Variants in MDGA2 observed in about 807,000 individuals in gnomAD.
MDGA2 encodes the protein MAM domain-containing glycosylphosphatidylinositol anchor protein 2.
MDGA2 carries 40 observed loss-of-function variants against 117.8 expected under a neutral mutation model. The ratio of observed to expected loss-of-function variants is 0.34; its 90% confidence interval spans 0.26 to 0.44. The LOEUF (loss-of-function observed/expected upper bound fraction) is 0.44, where lower values mean the gene tolerates loss of function less well. Among genes scored for constraint, MDGA2 ranks in the 20% least tolerant of loss-of-function variants. MDGA2 has a pLI of 1.00. For missense variants in MDGA2, 1,123 were observed against 1,250.6 expected (o/e 0.90, Z 1.54); for synonymous variants, 452 against 439.0 (o/e 1.03, Z -0.37).
intron 2 of MDGA2, among the ~76,000 whole-genome samples, chr14:47,235,831 C>A (rs1417778553): frequency 1.3e-5 from 2 of 152,070 alleles, no homozygotes; most frequent in Non-Finnish European, 2.9e-5. Flanking sequence ...TAGACTCATG[C>A]CGAGAGGAAC....
At chr14:46,999,390 G>C (rs1306452893) in intron 8 of MDGA2, among the ~76,000 whole-genome samples, 1 of 151,998 alleles carries the variant, frequency 6.6e-6, no homozygotes, top group African/African-American at 2.4e-5. Flanking sequence ...TCAAGTGTTT[G>C]GAAAGGTATT....
chr14:46,989,489 T>C (rs766305024), intron 8 of MDGA2, among the ~76,000 whole-genome samples: 1 of 152,086 alleles, frequency 6.6e-6, no homozygotes, highest in Non-Finnish European at 1.5e-5. Context: ...TTTTTCTTCA[T>C]GGCTAGAATT....
intron 3 of MDGA2, among the ~76,000 whole-genome samples, chr14:47,147,878 TG>T (rs1454801172): frequency 1.3e-5 from 2 of 152,220 alleles, no homozygotes; most frequent in Admixed American, 6.5e-5. Context: ...GTACATTTTT[TG>T]GTATAGGTAG....
intron 1 of MDGA2, among the ~76,000 whole-genome samples, chr14:47,400,249 C>T (rs896707661): frequency 6.6e-6 from 1 of 152,142 alleles, no homozygotes; most frequent in Non-Finnish European, 1.5e-5. Flanking sequence ...CCCAAGCTAT[C>T]AAAGGTAACA....
intron 1 of MDGA2, among the ~76,000 whole-genome samples, chr14:47,641,194 G>T (rs773701614): frequency 2.6e-5 from 4 of 152,052 alleles, no homozygotes; most frequent in Non-Finnish European, 5.9e-5. Context: ...TTGAAGTGAA[G>T]CCAAGAAGTC....
intron 6 of MDGA2, among the ~76,000 whole-genome samples, chr14:47,077,122 T>C (rs996731191): frequency 1.2e-4 from 18 of 152,182 alleles, no homozygotes; most frequent in African/African-American, 3.8e-4. Flanking sequence ...GGCACCAGCA[T>C]CATGAATTTA....
chr14:47,473,853 T>C (rs1300321788), intron 1 of MDGA2, among the ~76,000 whole-genome samples: 1 of 152,138 alleles, frequency 6.6e-6, no homozygotes, highest in Non-Finnish European at 1.5e-5. Flanking sequence ...ATGACATATA[T>C]GACAAACCAT....
At chr14:47,006,551 T>C (rs1887719016) in intron 8 of MDGA2, among the ~76,000 whole-genome samples, 1 of 150,824 alleles carries the variant, frequency 6.6e-6, no homozygotes, top group Non-Finnish European at 1.5e-5. Context: ...TCAACTATTA[T>C]ATCATATCAG....
chr14:47,442,206 T>C (rs1032158143), intron 1 of MDGA2, among the ~76,000 whole-genome samples: 2 of 152,164 alleles, frequency 1.3e-5, no homozygotes, highest in African/African-American at 4.8e-5. Context: ...AAGGTATGTA[T>C]ACATATTTAT....
chr14:47,383,828 TCA>T (rs1891692009), intron 1 of MDGA2, among the ~76,000 whole-genome samples: 1 of 152,164 alleles, frequency 6.6e-6, no homozygotes, highest in Admixed American at 6.5e-5. Context: ...CCCGGACGGT[TCA>T]TTAGAATTGC....
At chr14:46,963,053 T>C (rs1232673353) in intron 8 of MDGA2, among the ~76,000 whole-genome samples, 2 of 152,212 alleles carry the variant, frequency 1.3e-5, no homozygotes, top group Non-Finnish European at 1.5e-5. Context: ...ACAAGTTTAG[T>C]ACCATTAAGG....
chr14:46,950,193 G>GCT (rs1291749227), intron 9 of MDGA2, among the ~76,000 whole-genome samples: 3 of 151,832 alleles, frequency 2.0e-5, no homozygotes, highest in African/African-American at 7.3e-5. Flanking sequence ...TTCATTAAGT[G>GCT]ATACTTACAT....
intron 1 of MDGA2, among the ~76,000 whole-genome samples, chr14:47,406,179 T>C (rs1454509213): frequency 6.6e-6 from 1 of 152,100 alleles, no homozygotes; most frequent in South Asian, 2.1e-4. Context: ...TTAGATTTCA[T>C]TTTGGAAAAA....
intron 1 of MDGA2, among the ~76,000 whole-genome samples, chr14:47,540,897 T>A (rs1895340324): frequency 6.6e-6 from 1 of 152,120 alleles, no homozygotes; most frequent in African/African-American, 2.4e-5. Flanking sequence ...GGTAATTATC[T>A]GCCATGCACA....
chr14:47,641,458 A>G (rs1360345892), intron 1 of MDGA2, among the ~76,000 whole-genome samples: 3 of 152,106 alleles, frequency 2.0e-5, no homozygotes, highest in South Asian at 2.1e-4. Flanking sequence ...AAGTAGACTA[A>G]TGAAAATACT....
intron 7 of MDGA2, among the ~76,000 whole-genome samples, chr14:47,047,851 T>C (rs545079997): frequency 6.6e-6 from 1 of 151,928 alleles, no homozygotes; most frequent in Non-Finnish European, 1.5e-5. Context: ...ATAAATTTTA[T>C]TGCTGTTGTC....
chr14:47,552,655 C>G (rs141046913), intron 1 of MDGA2, among the ~76,000 whole-genome samples: 7 of 152,060 alleles, frequency 4.6e-5, no homozygotes, highest in African/African-American at 1.7e-4. Context: ...TTCTTTCTCT[C>G]TGTTAAAAAA....
At chr14:47,669,412 G>T (rs1209263994) in intron 1 of MDGA2, among the ~76,000 whole-genome samples, 1 of 152,148 alleles carries the variant, frequency 6.6e-6, no homozygotes, top group African/African-American at 2.4e-5. Flanking sequence ...CTTATTCATT[G>T]TAAAATAAGT....
intron 3 of MDGA2, chr14:47,200,860 T>A: frequency 1.2e-6 from 1 of 847,132 alleles, no homozygotes. Context: ...CATAGGGCGG[T>A]GGGATGCCGT....
Sources: gnomAD v4.1 joint callset for allele counts (sites outside exome capture counted in the v4.1 genomes callset) on GRCh38, gnomAD v4.1.1 for gene constraint, MANE v1.5 for transcripts, NCBI Gene and HGNC (gene_info 2026-07-23, HGNC 2026-07-21) for gene names.